Variants in NINL observed in about 807,000 individuals in gnomAD.
The protein encoded by NINL is ninein-like protein.
In NINL, 153 loss-of-function variants were observed where a neutral mutation model predicts 160.3. That is an observed-to-expected ratio of 0.95 (90% CI 0.84 to 1.09). The LOEUF (loss-of-function observed/expected upper bound fraction) is 1.09, where lower values mean the gene tolerates loss of function less well. Among genes scored for constraint, NINL ranks in the 50% least tolerant of loss-of-function variants. NINL has a pLI of 0.00. For missense variants in NINL, 1,829 were observed against 1,764.0 expected (o/e 1.04, Z -0.66); for synonymous variants, 800 against 734.8 (o/e 1.09, Z -1.43).
intron 1 of NINL, among the ~76,000 whole-genome samples, chr20:25,533,012 C>T (rs564275242): frequency 1.2e-3 from 184 of 152,260 alleles, no homozygotes; most frequent in South Asian, 4.6e-3. Context: ...ACCTGGAAAG[C>T]GGCCCGGCTC....
intron 17 of NINL, among the ~76,000 whole-genome samples, chr20:25,470,814 G>A (rs117312892): frequency 6.6e-6 from 1 of 152,244 alleles, no homozygotes; most frequent in East Asian, 1.9e-4. Flanking sequence ...GGGCAACATA[G>A]TGAGACCTTG....
intron 1 of NINL, among the ~76,000 whole-genome samples, chr20:25,561,031 T>C: frequency 5.2e-5 from 2 of 38,446 alleles, no homozygotes; most frequent in Admixed American, 4.6e-4. Context: ...CCTCTCCCTC[T>C]CCCCTCCTCT....
chr20:25,498,685 G>A (rs991071471), intron 8 of NINL, among the ~76,000 whole-genome samples: 19 of 152,336 alleles, frequency 1.2e-4, no homozygotes, highest in African/African-American at 4.1e-4. Flanking sequence ...CAGGGCACAA[G>A]GCCCTTTTCC....
chr20:25,545,037 C>T (rs1036986215), intron 1 of NINL, among the ~76,000 whole-genome samples: 3 of 152,204 alleles, frequency 2.0e-5, no homozygotes, highest in African/African-American at 7.2e-5. Flanking sequence ...TATTAAGCAG[C>T]TTTAGGGAGC....
At chr20:25,514,232 C>T (rs751588460) in intron 3 of NINL, among the ~76,000 whole-genome samples, 108 of 152,196 alleles carry the variant, frequency 7.1e-4, no homozygotes, top group Non-Finnish European at 1.2e-3. Flanking sequence ...ACACTTGCTA[C>T]GCTTTAGCAA....
chr20:25,491,611 T>A, intron 10 of NINL, 86 bp from the exon 11 acceptor site: 1 of 1,492,658 alleles, frequency 6.7e-7, no homozygotes, highest in Non-Finnish European at 9.1e-7. Flanking sequence ...CTCCTCCCTC[T>A]TAGAAACGCC....
chr20:25,495,724 C>A (rs922570793), intron 10 of NINL, among the ~76,000 whole-genome samples: 1 of 152,260 alleles, frequency 6.6e-6, no homozygotes, highest in Non-Finnish European at 1.5e-5. Context: ...CCCAGGCAGA[C>A]ATGTGCCCCA....
At position 25,503,982 on chromosome 20, in the gene NINL, A is replaced by T. The variant is rs143776246; in HGVS notation, c.831T>A (p.Val277=). 64 of 1,614,162 alleles carry T rather than the reference A, an allele frequency of 4.0e-5. No homozygotes were observed. Among genetic ancestry groups the T allele is most frequent in the Non-Finnish European group, 5.4e-5 (64 of 1,180,018 alleles). ...AATGAGACCAAGCCTTGCTCGGTTT[A>T]ACCCGAGTGGAAGACTCTAGAAGTA... ...PALLLESSTR[V]KPSKAWSHYQ... is the part of the protein sequence containing the mutation. The change falls in exon 7 of 24, where the codon GTT becomes GTA. Residue 277 remains valine (V), a synonymous_variant. Transcript: ENST00000278886.
chr20:25,546,811 TCAGCTGGGCTGCTGTGAC>T (rs2064738940), intron 1 of NINL, among the ~76,000 whole-genome samples: 1 of 149,528 alleles, frequency 6.7e-6, no homozygotes, highest in African/African-American at 2.5e-5. Flanking sequence ...GTGCCTCAGG[TCAGCTGGGCTGCTGTGAC>T]AAGGCACCGT....
Position 25,476,083 on chromosome 20 carries a change from GGAC to G in NINL, c.3205_3207del (p.Val1069del), listed in dbSNP as rs769983582. 6.2e-7 allele frequency: 1 copy of G among 1,613,930 alleles called. No homozygotes were observed. Among genetic ancestry groups the G allele is most frequent in the Non-Finnish European group, 8.5e-7 (1 of 1,179,788 alleles). On this transcript the variant is annotated inframe_deletion, in exon 17 of 24. Coordinates refer to ENST00000278886, the MANE Select transcript of NINL (RefSeq NM_025176.6). ...AAATCTACATGTTTCTCCAGAGCCCGGACGACGTCTTCCAGATGTAGAAGTTTG... is the reference window on the plus strand; with the variant it reads ...AAATCTACATGTTTCTCCAGAGCCCGGACGTCTTCCAGATGTAGAAGTTTG...
chr20:25,570,694 C>A (rs116208948), intron 1 of NINL, among the ~76,000 whole-genome samples: 4,239 of 91,318 alleles, frequency 0.046, 192 homozygotes, highest in Non-Finnish European at 0.063. Flanking sequence ...GGCAAGTAGA[C>A]TTTTTTTTTT....
At chr20:25,571,059 T>C (rs1450311333) in intron 1 of NINL, among the ~76,000 whole-genome samples, 1 of 152,046 alleles carries the variant, frequency 6.6e-6, no homozygotes, top group Non-Finnish European at 1.5e-5. Flanking sequence ...AAGTAGGTGT[T>C]GTCACCATGA....
chr20:25,475,447 A>G (rs996641890), intron 17 of NINL, among the ~76,000 whole-genome samples: 1 of 152,228 alleles, frequency 6.6e-6, no homozygotes, highest in Non-Finnish European at 1.5e-5. Context: ...AGGACACTAC[A>G]GTCCAGAAAA....
intron 10 of NINL, among the ~76,000 whole-genome samples, chr20:25,493,667 T>C (rs2063687213): frequency 6.6e-6 from 1 of 152,090 alleles, no homozygotes; most frequent in South Asian, 2.1e-4. Flanking sequence ...GTCCCTCCTC[T>C]AGGAATTCCC....
At chr20:25,570,986 C>T (rs997262796) in intron 1 of NINL, among the ~76,000 whole-genome samples, 6 of 150,406 alleles carry the variant, frequency 4.0e-5, no homozygotes, top group East Asian at 2.0e-4. Context: ...TGAACCACCG[C>T]GCCCAGCCAA....
intron 22 of NINL, among the ~76,000 whole-genome samples, chr20:25,456,236 C>A (rs2090673613): frequency 9.7e-6 from 1 of 102,844 alleles, no homozygotes; most frequent in Non-Finnish European, 1.8e-5. Context: ...AGTGAGACTC[C>A]ATCTCAAAAA....
chr20:25,499,670 C>T lies in NINL; in HGVS notation c.1032+1170G>A, dbSNP rs747233828. On this transcript the variant is annotated intron_variant, in intron 8 of 23. Transcript: ENST00000278886. ...GGGGACTCGGTAACAGATGAGGTTG[C>T]GCCAATGAGGGTCTTGGTCTGTGGA... 3.3e-5 allele frequency among the ~76,000 whole-genome samples: 5 copies of T among 152,158 alleles called. No individual in the cohort carries two copies. In the East Asian group the frequency reaches 5.8e-4, roughly 18 times the overall value.
chr20:25,500,623 G>A (rs426563), intron 8 of NINL, among the ~76,000 whole-genome samples: 25,763 of 152,204 alleles, frequency 0.17, 4,766 homozygotes, highest in African/African-American at 0.46. Context: ...CTAACTTTGT[G>A]TTTTATTTCT....
At chr20:25,575,527 T>C (rs2065105651) in intron 1 of NINL, among the ~76,000 whole-genome samples, 1 of 146,308 alleles carries the variant, frequency 6.8e-6, no homozygotes. Context: ...GCAAGGTGGA[T>C]GGATCATGAG....
Sources: gnomAD v4.1 joint callset for allele counts (sites outside exome capture counted in the v4.1 genomes callset) on GRCh38, gnomAD v4.1.1 for gene constraint, MANE v1.5 for transcripts, NCBI Gene and HGNC (gene_info 2026-07-23, HGNC 2026-07-21) for gene names.